The following QPCT variants were observed in gnomAD, a reference collection of about 807,000 sequenced individuals.
QPCT encodes glutaminyl-peptide cyclotransferase.
QPCT carries 44 observed loss-of-function variants against 43.4 expected under a neutral mutation model. That is an observed-to-expected ratio of 1.01 (90% CI 0.80 to 1.30). The LOEUF is 1.30. Ranked by LOEUF, QPCT falls within the 50% of genes most tolerant of loss-of-function variation. QPCT has a pLI of 0.00. For synonymous variants in QPCT, 168 were observed against 168.4 expected (o/e 1.00, Z 0.02); for missense variants, 526 against 436.5 (o/e 1.21, Z -1.83).
chr2:37,371,390 C>T (rs191506234), intron 5 of QPCT, among the ~76,000 whole-genome samples: 14 of 137,544 alleles, frequency 1.0e-4, no homozygotes, highest in East Asian at 9.7e-4. Flanking sequence ...GCTGAGGTGG[C>T]GCCACTGCAC....
At chr2:37,349,542 C>T (rs1474796936) in intron 1 of QPCT, among the ~76,000 whole-genome samples, 2 of 152,174 alleles carry the variant, frequency 1.3e-5, no homozygotes, top group South Asian at 2.1e-4. Context: ...GGAGTGAAAG[C>T]TTCTATCCAC....
At chr2:37,348,705 C>T (rs1412320184) in intron 1 of QPCT, among the ~76,000 whole-genome samples, 1 of 152,208 alleles carries the variant, frequency 6.6e-6, no homozygotes, top group Non-Finnish European at 1.5e-5. Flanking sequence ...CTGGTTCACA[C>T]TTTTGGCTGA....
At chr2:37,355,072 T>C (rs1297846548) in intron 2 of QPCT, among the ~76,000 whole-genome samples, 1 of 152,158 alleles carries the variant, frequency 6.6e-6, no homozygotes, top group Admixed American at 6.5e-5. Flanking sequence ...TTCTCCACTA[T>C]CATATGGGGG....
intron 3 of QPCT, among the ~76,000 whole-genome samples, chr2:37,364,544 AAG>A (rs1472919252): frequency 2.6e-5 from 4 of 152,208 alleles, no homozygotes; most frequent in African/African-American, 9.6e-5. Flanking sequence ...AAGCAAATGA[AAG>A]AGAGGCCTGT....
chr2:37,372,375 G>A lies in QPCT; in HGVS notation c.843G>A (p.Leu281=). 1 of 1,613,382 alleles carries A rather than the reference G, an allele frequency of 6.2e-7. No homozygotes were observed. Among genetic ancestry groups the A allele is most frequent in the South Asian group, 1.1e-5 (1 of 91,050 alleles). ...LQAIEHELHE[L]GLLKDHSLEG... ...CTACAGAACATGAACTTCATGAATT[G>A]GGTTTGCTCAAGGATCACTCTTTGG... Residue 281 remains leucine, a synonymous_variant, in exon 6 of 7, where the codon TTG becomes TTA. Coordinates refer to ENST00000338415, the MANE Select transcript of QPCT (RefSeq NM_012413.4).
intron 2 of QPCT, among the ~76,000 whole-genome samples, chr2:37,353,500 C>T (rs745799864): frequency 1.3e-5 from 2 of 152,158 alleles, no homozygotes; most frequent in Non-Finnish European, 2.9e-5. Context: ...AAAACTTCCA[C>T]GAAAAATATT....
At chr2:37,347,046 A>G (rs987040414) in intron 1 of QPCT, among the ~76,000 whole-genome samples, 3 of 148,232 alleles carry the variant, frequency 2.0e-5, no homozygotes, top group African/African-American at 7.6e-5. Context: ...GAAACCTGGA[A>G]ACAATTTTTC....
In QPCT at chr2:37,372,194, C is replaced by A. The variant is rs7582749; in HGVS notation, c.824-162C>A. ...AAAGTGTACACATCCCTGTTCAACC[C>A]AGATGTTTATTGTCATGGGTGTGGC... is the stretch of plus-strand genomic sequence containing the variant. On this transcript the variant is annotated intron_variant, in intron 5 of 6. Transcript: ENST00000338415. Among the ~76,000 whole-genome samples the A allele has an allele frequency of 2.0e-5, 3 of 152,114 alleles. No individual in the cohort carries two copies. In the East Asian group the frequency reaches 5.8e-4, roughly 29 times the overall value.
intron 3 of QPCT, among the ~76,000 whole-genome samples, chr2:37,362,395 C>T (rs1167584680): frequency 2.6e-5 from 4 of 152,188 alleles, no homozygotes; most frequent in African/African-American, 9.6e-5. Flanking sequence ...CTTATTAAAC[C>T]CTGAGTGCAT....
chr2:37,352,740 A>G, intron 1 of QPCT, 49 bp from the exon 2 acceptor site: 1 of 1,591,234 alleles, frequency 6.3e-7, no homozygotes, highest in Non-Finnish European at 8.6e-7. Context: ...CAGAGTCTTA[A>G]ACATGTTATG....
chr2:37,369,813 A>T lies in QPCT; in HGVS notation c.823+29A>T, dbSNP rs758411884. On this transcript the variant is annotated intron_variant, in intron 5 of 6. Coordinates refer to ENST00000338415, the MANE Select transcript of QPCT (RefSeq NM_012413.4). ...AGCACCACTGTTATTAATGAATAAA[A>T]CATCATTTCTTGCTACTGACAGATA... 1.6e-5 allele frequency: 24 copies of T among 1,503,702 alleles called. No individual in the cohort carries two copies. The African/African-American group carries it at 2.6e-4, about 16-fold the overall frequency. 93.1% of individuals were successfully genotyped at this position (1,503,702 alleles called of 1,614,324 possible).
intron 1 of QPCT, among the ~76,000 whole-genome samples, chr2:37,347,178 TAACATATATATATAA>T (rs1558599399): frequency 7.8e-4 from 44 of 56,338 alleles, no homozygotes; most frequent in East Asian, 5.0e-3. Context: ...TATATATATA[TAACATATATATATAA>T]CATATATATA....
intron 2 of QPCT, among the ~76,000 whole-genome samples, chr2:37,358,367 G>A (rs1672790957): frequency 1.3e-5 from 2 of 152,190 alleles, no homozygotes; most frequent in Admixed American, 6.5e-5. Context: ...AACCGAGGAG[G>A]CGGAGGTTGC....
intron 2 of QPCT, among the ~76,000 whole-genome samples, chr2:37,356,284 A>G (rs1234051761): frequency 6.6e-6 from 1 of 150,748 alleles, no homozygotes; most frequent in Non-Finnish European, 1.5e-5. Context: ...TTCTTTCTCT[A>G]CTCAGTCTCC....
chr2:37,367,138 G>T (rs1672979357), intron 3 of QPCT, 94 bp from the exon 4 acceptor site: 3 of 1,343,690 alleles, frequency 2.2e-6, no homozygotes, highest in East Asian at 4.6e-5. Flanking sequence ...TTTCTTTATG[G>T]CACATCTATC....
intron 3 of QPCT, among the ~76,000 whole-genome samples, chr2:37,361,209 A>G (rs765970637): frequency 2.0e-5 from 3 of 152,156 alleles, no homozygotes; most frequent in Non-Finnish European, 2.9e-5. Flanking sequence ...TTATTCTTCC[A>G]GTTATATGTT....
chr2:37,372,277 A>C, intron 5 of QPCT, 79 bp from the exon 6 acceptor site: 1 of 1,042,412 alleles, frequency 9.6e-7, no homozygotes, highest in Non-Finnish European at 1.5e-6. Context: ...AAGATTTCAA[A>C]CTCCTTAAAT....
chr2:37,347,151 T>TATATATC (rs1672506085), intron 1 of QPCT, among the ~76,000 whole-genome samples: 1 of 61,358 alleles, frequency 1.6e-5, no homozygotes, highest in African/African-American at 8.6e-5. Flanking sequence ...GTTTTATATA[T>TATATATC]ATATATATAT....
chr2:37,365,650 G>C (rs1672945063), intron 3 of QPCT, among the ~76,000 whole-genome samples: 1 of 152,214 alleles, frequency 6.6e-6, no homozygotes, highest in Non-Finnish European at 1.5e-5. Context: ...TGATGATGTA[G>C]GAGAGAAATG....
Sources: gnomAD v4.1 joint callset for allele counts (sites outside exome capture counted in the v4.1 genomes callset) on GRCh38, gnomAD v4.1.1 for gene constraint, MANE v1.5 for transcripts, NCBI Gene and HGNC (gene_info 2026-07-23, HGNC 2026-07-21) for gene names.